IQCB1: variants seen among roughly 807,000 people sequenced by gnomAD.
The protein encoded by IQCB1 is IQ motif containing B1, also known as IQ calmodulin-binding motif-containing protein 1.
IQCB1 carries 56 observed loss-of-function variants against 84.4 expected under a neutral mutation model. That is an observed-to-expected ratio of 0.66 (90% CI 0.54 to 0.83). The LOEUF is 0.83. Ranked by LOEUF, IQCB1 falls within the 40% of genes least tolerant of loss-of-function variation. The probability of loss-of-function intolerance (pLI) is 0.00; values close to 1 mark genes in which losing one functional copy is unlikely to be tolerated. For synonymous variants in IQCB1, 210 were observed against 234.8 expected, an observed-to-expected ratio of 0.89 and a Z score of 0.96; for missense variants, 629 against 682.1, an observed-to-expected ratio of 0.92 and a Z score of 0.87.
At chr3:121,834,594 C>T (rs1708155146) in intron 1 of IQCB1, 115 bp from the exon 2 acceptor site, 1 of 152,522 alleles carries the variant, frequency 6.6e-6, no homozygotes. Flanking sequence ...ACATCCCCTT[C>T]TCCAGTCCTA....
intron 10 of IQCB1, among the ~76,000 whole-genome samples, chr3:121,790,780 T>A (rs952967838): frequency 7.0e-5 from 6 of 86,116 alleles, no homozygotes; most frequent in Non-Finnish European, 1.4e-4. Flanking sequence ...TACATTTACT[T>A]ACACAAAAAA....
At position 121,790,078 on chromosome 3, in the gene IQCB1, T is replaced by A. The variant is rs776325519; in HGVS notation, c.1124A>T (p.His375Leu). The stretch of plus-strand genomic sequence containing the variant: ...AAGTTGATACTGCCACTCACCTGGA[T>A]GAACTATTTCGAGCATACTCAGCTG... ...ELQLSMLEIV[H>L]PGQVEKHYRE... The change falls in exon 11 of 15, where the codon CAT becomes CTT. Residue 375 changes from histidine (H) to leucine (L), a missense_variant. Coordinates refer to ENST00000310864, the MANE Select transcript of IQCB1 (RefSeq NM_001023570.4). 6.2e-7 allele frequency: 1 copy of A among 1,613,322 alleles called. No individual in the cohort carries two copies. The highest frequency in any genetic ancestry group is 8.5e-7 in the Non-Finnish European group (1 of 1,179,288).
intron 13 of IQCB1, among the ~76,000 whole-genome samples, chr3:121,773,327 A>C (rs1948086841): frequency 6.6e-6 from 1 of 151,098 alleles, no homozygotes; most frequent in African/African-American, 2.4e-5. Context: ...AAAAAAAAAA[A>C]AAAAAAAAAG....
chr3:121,802,234 T>C (rs149508358), intron 7 of IQCB1, among the ~76,000 whole-genome samples: 282 of 152,228 alleles, frequency 1.9e-3, no homozygotes, highest in Admixed American at 3.0e-3. Flanking sequence ...CTTAATAGAA[T>C]TCACAGTGAA....
chr3:121,781,632 TACACACACAC>T (rs57816005), intron 13 of IQCB1, 101 bp downstream of exon 13: 21 of 820,738 alleles, frequency 2.6e-5, no homozygotes, highest in African/African-American at 8.6e-5. Context: ...GCAATAAATG[TACACACACAC>T]ACACACACAC....
At chr3:121,776,992 T>G (rs2108514893) in intron 13 of IQCB1, among the ~76,000 whole-genome samples, 1 of 152,344 alleles carries the variant, frequency 6.6e-6, no homozygotes, top group South Asian at 2.1e-4. Context: ...AAGTTTTAAA[T>G]TTCAATAAAG....
At chr3:121,777,119 G>T (rs1324874389) in intron 13 of IQCB1, among the ~76,000 whole-genome samples, 1 of 152,134 alleles carries the variant, frequency 6.6e-6, no homozygotes. Flanking sequence ...TTTGCATTTA[G>T]GCCTATGATC....
intron 5 of IQCB1, among the ~76,000 whole-genome samples, chr3:121,818,283 G>A (rs571028745): frequency 3.3e-4 from 51 of 152,258 alleles, no homozygotes; most frequent in Admixed American, 3.3e-3. Flanking sequence ...AAAATAGTTT[G>A]CATATTAATA....
At chr3:121,831,315 C>A (rs1483826350) in intron 2 of IQCB1, among the ~76,000 whole-genome samples, 1 of 151,150 alleles carries the variant, frequency 6.6e-6, no homozygotes. Flanking sequence ...TGGGACTACA[C>A]TTGCAAGCCA....
At chr3:121,775,955 T>G (rs186498146) in intron 13 of IQCB1, among the ~76,000 whole-genome samples, 3 of 152,226 alleles carry the variant, frequency 2.0e-5, no homozygotes, top group Admixed American at 2.0e-4. Context: ...GTTTATATTT[T>G]TAGAATTTAC....
At chr3:121,819,356 C>T (rs139318717) in intron 5 of IQCB1, among the ~76,000 whole-genome samples, 292 of 152,186 alleles carry the variant, frequency 1.9e-3, no homozygotes, top group East Asian at 0.011. Flanking sequence ...CTAATGTTAC[C>T]GCTGATCTGA....
rs1708157899 is a variant in IQCB1, at chr3:121,834,630, C to A, written c.-101-151G>T. On this transcript the variant is annotated intron_variant, in intron 1 of 14. Coordinates refer to ENST00000310864, the MANE Select transcript of IQCB1 (RefSeq NM_001023570.4). ...GGACCACAAGAAACTTCCTCTGGTACAAAAAGGTCAGAAAACGATTACTGA... is the reference window on the plus strand; with the variant it reads ...GGACCACAAGAAACTTCCTCTGGTAAAAAAAGGTCAGAAAACGATTACTGA... 2.0e-5 allele frequency among the ~76,000 whole-genome samples: 3 copies of A among 152,208 alleles called. No homozygotes were observed. The South Asian group carries it at 6.2e-4, about 32-fold the overall frequency.
At chr3:121,775,717 A>AT (rs1326408473) in intron 13 of IQCB1, among the ~76,000 whole-genome samples, 3 of 152,154 alleles carry the variant, frequency 2.0e-5, no homozygotes, top group Admixed American at 1.3e-4. Context: ...TTTTTTAAGC[A>AT]TTTAGGTTAA....
rs1950530900 is a variant in IQCB1, at chr3:121,828,569, C to T, written c.164G>A (p.Cys55Tyr). The stretch of plus-strand genomic sequence containing the variant: ...GAGGCAATATTGAATGAGATCATAA[C>T]AATATATATCTTGTTTGATTTTCTT... Reference protein sequence around the residue: ...ELKKIKQDIYCYDLIQYCLLV... With the variant: ...ELKKIKQDIYYYDLIQYCLLV... The change falls in exon 4 of 15, where the codon TGT becomes TAT. Residue 55 changes from cysteine (C) to tyrosine (Y), a missense_variant. Cys to Tyr is a radical substitution (Grantham distance 194). Transcript: ENST00000310864. The T allele has an allele frequency of 3.7e-6, 6 of 1,605,034 alleles. No homozygotes were observed. The highest frequency in any genetic ancestry group is 5.1e-6 in the Non-Finnish European group (6 of 1,171,884).
At chr3:121,824,271 G>A (rs1950378455) in intron 5 of IQCB1, among the ~76,000 whole-genome samples, 1 of 152,044 alleles carries the variant, frequency 6.6e-6, no homozygotes, top group African/African-American at 2.4e-5. Context: ...GCTACTAAGT[G>A]ACCAACTGGC....
intron 8 of IQCB1, among the ~76,000 whole-genome samples, chr3:121,797,446 A>G: frequency 1.8e-5 from 1 of 56,896 alleles, no homozygotes. Context: ...CAATTGTGGT[A>G]TCTGATAAAA....
At chr3:121,787,940 G>C (rs1948804021) in intron 12 of IQCB1, among the ~76,000 whole-genome samples, 1 of 152,066 alleles carries the variant, frequency 6.6e-6, no homozygotes, top group African/African-American at 2.4e-5. Context: ...AAGGGTAAGG[G>C]TAAACATCTA....
At chr3:121,789,328 T>C (rs1016119301) in intron 11 of IQCB1, among the ~76,000 whole-genome samples, 2 of 152,222 alleles carry the variant, frequency 1.3e-5, no homozygotes, top group Non-Finnish European at 2.9e-5. Context: ...TACTGGATGG[T>C]ACAGATATAC....
At chr3:121,790,802 C>T (rs962938045) in intron 10 of IQCB1, among the ~76,000 whole-genome samples, 1 of 151,888 alleles carries the variant, frequency 6.6e-6, no homozygotes, top group Non-Finnish European at 1.5e-5. Context: ...AAATAAAAAA[C>T]ATTAAAATTT....
Sources: allele counts gnomAD v4.1 joint callset (sites outside exome capture counted in the v4.1 genomes callset), GRCh38; gene constraint gnomAD v4.1.1; transcripts MANE v1.5; gene names NCBI Gene and HGNC (gene_info 2026-07-23, HGNC 2026-07-21).